The following BACH1 variants were observed in gnomAD, a reference collection of about 807,000 sequenced individuals.
The protein encoded by BACH1 is transcription regulator protein BACH1.
BACH1 carries 35 observed loss-of-function variants against 52.9 expected under a neutral mutation model. The observed-to-expected ratio is 0.66, with a 90% CI of 0.51 to 0.88. BACH1 has a LOEUF of 0.88. BACH1 is among the 40% of genes least tolerant of loss of function. The pLI, the probability that BACH1 is intolerant of heterozygous loss-of-function variation, is 0.00. For missense variants in BACH1, 808 were observed against 872.6 expected, an observed-to-expected ratio of 0.93 and a Z score of 0.93; for synonymous variants, 321 against 319.6, an observed-to-expected ratio of 1.00 and a Z score of -0.05.
intron 2 of BACH1, 111 bp downstream of exon 2, chr21:29,321,625 T>C: frequency 1.1e-6 from 1 of 944,646 alleles, no homozygotes; most frequent in Non-Finnish European, 1.5e-6. Flanking sequence ...ATGGAGCATT[T>C]CCCAGGTTCT....
chr21:29,348,916 A>G (rs1457258366), downstream of BACH1, among the ~76,000 whole-genome samples: 1 of 152,010 alleles, frequency 6.6e-6, no homozygotes, highest in Non-Finnish European at 1.5e-5. Flanking sequence ...AACACGATGA[A>G]ACCCCATCTC....
chr21:29,348,803 C>T (rs1185711788), downstream of BACH1, among the ~76,000 whole-genome samples: 1 of 152,070 alleles, frequency 6.6e-6, no homozygotes, highest in Admixed American at 6.5e-5. Context: ...CGTCTTAAAT[C>T]TATCTTTACG....
intron 4 of BACH1, among the ~76,000 whole-genome samples, chr21:29,341,871 C>T (rs2089116896): frequency 6.6e-6 from 1 of 152,170 alleles, no homozygotes; most frequent in Admixed American, 6.5e-5. Flanking sequence ...TCTTGCAATG[C>T]TTTGAGTCTC....
chr21:29,356,704 G>C (rs1318809049), intron 2 of BACH1, among the ~76,000 whole-genome samples: 7 of 152,240 alleles, frequency 4.6e-5, no homozygotes, highest in Non-Finnish European at 1.5e-5. Flanking sequence ...CAGTGCTTTC[G>C]GGCTACGCCC....
chr21:29,306,431 T>C (rs17743655), intron 1 of BACH1, among the ~76,000 whole-genome samples: 4,394 of 151,884 alleles, frequency 0.029, 93 homozygotes, highest in Non-Finnish European at 0.047. Flanking sequence ...TCATAGCAGA[T>C]GCTACCTTGT....
At position 29,321,287 on chromosome 21, in the gene BACH1, C is replaced by G. The variant is rs1020612695; in HGVS notation, c.7C>G (p.Leu3Val). 1.2e-6 allele frequency: 2 copies of G among 1,613,554 alleles called. No homozygotes were observed. The highest frequency in any genetic ancestry group is 1.7e-5 in the Admixed American group (1 of 60,022). Reference sequence around the variant, plus strand: ...ACAACATTTGTTATGCAGAATGTCTCTGAGTGAGAACTCGGTTTTTGCCTA... The same window carrying G: ...ACAACATTTGTTATGCAGAATGTCTGTGAGTGAGAACTCGGTTTTTGCCTA... MS[L>V]SENSVFAYES... Residue 3 changes from leucine (L) to valine (V), a missense_variant, in exon 2 of 5, where the codon CTG (leucine) becomes GTG (valine). Physicochemically the swap from Leu to Val is conservative, Grantham distance 32. Transcript: ENST00000286800.
intron 4 of BACH1, 59 bp downstream of exon 4, chr21:29,329,752 A>G (rs1008044453): frequency 1.7e-5 from 22 of 1,286,152 alleles, no homozygotes; most frequent in African/African-American, 3.1e-5. Context: ...TTTGTCAAGG[A>G]AATAGTTTTT....
intron 2 of BACH1, among the ~76,000 whole-genome samples, chr21:29,356,393 C>G (rs1439516471): frequency 6.6e-6 from 1 of 152,236 alleles, no homozygotes; most frequent in African/African-American, 2.4e-5. Flanking sequence ...TGGCTCCTTC[C>G]TGATACTGTA....
intron 3 of BACH1, 124 bp downstream of exon 3, chr21:29,327,517 C>A: frequency 3.0e-6 from 4 of 1,324,174 alleles, no homozygotes; most frequent in South Asian, 1.5e-5. Context: ...GAAACTCATA[C>A]AAAATTAATT....
Position 29,327,402 on chromosome 21 carries a change from GA to G in BACH1, c.1569+11del. ...GAGAACAAGAATGTGAGGTGAGCAG[GA>G]ATATGTTCTTAATTCATTGTTTTAA... is the stretch of plus-strand genomic sequence containing the variant. On this transcript the variant is annotated intron_variant, in intron 3 of 4. Transcript: ENST00000286800. 1 of 1,605,500 alleles carries G rather than the reference GA, an allele frequency of 6.2e-7. No homozygotes were observed.
At chr21:29,329,783 A>C (rs1222771123) in intron 4 of BACH1, 90 bp downstream of exon 4, 1 of 955,350 alleles carries the variant, frequency 1.0e-6, no homozygotes, top group East Asian at 2.9e-5. Context: ...GTCAGATATA[A>C]TGCTCAATTA....
chr21:29,320,703 A>G (rs1251251090), intron 1 of BACH1, among the ~76,000 whole-genome samples: 3 of 152,212 alleles, frequency 2.0e-5, no homozygotes, highest in African/African-American at 4.8e-5. Flanking sequence ...GTCCCTTGTT[A>G]TAAAACACTA....
intron 1 of BACH1, among the ~76,000 whole-genome samples, chr21:29,309,879 G>A (rs1051136870): frequency 6.6e-6 from 1 of 152,088 alleles, no homozygotes; most frequent in African/African-American, 2.4e-5. Flanking sequence ...AGAGGGCTTC[G>A]TGAGACAGAT....
intron 1 of BACH1, among the ~76,000 whole-genome samples, chr21:29,306,532 A>G (rs2088659967): frequency 6.6e-6 from 1 of 152,162 alleles, no homozygotes; most frequent in Non-Finnish European, 1.5e-5. Context: ...TGTGATTGGC[A>G]TAAATGGATC....
At chr21:29,338,806 T>G (rs1195178296) in intron 4 of BACH1, among the ~76,000 whole-genome samples, 1 of 152,188 alleles carries the variant, frequency 6.6e-6, no homozygotes, top group Non-Finnish European at 1.5e-5. Context: ...TTCCTATAGG[T>G]AACCATTTTC....
intron 3 of BACH1, among the ~76,000 whole-genome samples, chr21:29,328,643 A>G (rs895122808): frequency 6.6e-6 from 1 of 152,134 alleles, no homozygotes; most frequent in Non-Finnish European, 1.5e-5. Flanking sequence ...TGTACAGCAG[A>G]TCTCTATAAC....
chr21:29,330,730 T>C (rs2088970915), intron 4 of BACH1, among the ~76,000 whole-genome samples: 1 of 152,168 alleles, frequency 6.6e-6, no homozygotes, highest in Non-Finnish European at 1.5e-5. Flanking sequence ...GTGGCAAGTT[T>C]TCAAGCGTGA....
chr21:29,352,990 G>A lies in BACH1; in HGVS notation c.472+23297G>A, dbSNP rs187340034. On this transcript the variant is annotated intron_variant, in intron 2 of 4. Coordinates refer to the BACH1 transcript ENST00000422809. ...AGCCTCCCAAAGTGCTGAGATTACA[G>A]GCATGAGCCACTGTGTCCAGCCTAA... Among the ~76,000 whole-genome samples the A allele has an allele frequency of 1.7e-3, 252 of 152,234 alleles. 2 individuals carry two copies. Among genetic ancestry groups the A allele is most frequent in the African/African-American group, 5.5e-3 (227 of 41,528 alleles).
intron 4 of BACH1, among the ~76,000 whole-genome samples, chr21:29,341,540 C>A (rs924765424): frequency 1.3e-5 from 2 of 152,094 alleles, no homozygotes; most frequent in African/African-American, 2.4e-5. Flanking sequence ...GTGACATGGA[C>A]AGGAAGGCAG....
Sources: gnomAD v4.1 joint callset for allele counts (sites outside exome capture counted in the v4.1 genomes callset) on GRCh38, gnomAD v4.1.1 for gene constraint, MANE v1.5 for transcripts, NCBI Gene and HGNC (gene_info 2026-07-23, HGNC 2026-07-21) for gene names.